The following ANO9 variants were observed in gnomAD, a reference collection of about 807,000 sequenced individuals.
ANO9 encodes anoctamin 9.
In ANO9, 80 loss-of-function variants were observed where a neutral mutation model predicts 100.5. The ratio of observed to expected loss-of-function variants is 0.80; its 90% CI spans 0.66 to 0.96. ANO9 has a LOEUF of 0.96. Among genes scored for constraint, ANO9 ranks in the 40% least tolerant of loss-of-function variants. ANO9 has a pLI of 0.00. For missense variants in ANO9, 1,064 were observed against 1,072.7 expected (o/e 0.99, Z 0.11); for synonymous variants, 473 against 435.6 (o/e 1.09, Z -1.07).
At chr11:419,986 G>A in intron 19 of ANO9, 1 of 1,389,206 alleles carries the variant, frequency 7.2e-7, no homozygotes, top group Non-Finnish European at 9.3e-7. Context: ...CTTCTCAGCT[G>A]TGCCCCCCAG....
chr11:432,876 G>A lies in ANO9; in HGVS notation c.350+438C>T, dbSNP rs75090814. The A allele has an allele frequency of 5.3e-3, 888 of 166,308 alleles. 10 individuals carry two copies. The highest frequency in any genetic ancestry group is 0.02 in the African/African-American group (849 of 41,874). The allele number at this position is 166,308 out of a possible 1,614,324, so 10.3% of individuals were successfully genotyped here. A position where few individuals can be genotyped will look rare whatever the true frequency, so the allele number is the denominator to read the frequency against. On this transcript the variant is annotated intron_variant, in intron 4 of 22. Transcript: ENST00000332826. This position sits in a 1 kb window ranked among gnomAD's most constrained non-coding sequence, Gnocchi z 4.8. Reference sequence around the variant, plus strand: ...GGACTGGGGAGAAGCAGGGCCTTAGGGAGCGAGGAGGGTGTCCCTGCTGGG... The same window carrying A: ...GGACTGGGGAGAAGCAGGGCCTTAGAGAGCGAGGAGGGTGTCCCTGCTGGG...
intron 1 of ANO9, 67 bp downstream of exon 1, chr11:441,853 CG>C: frequency 8.9e-6 from 14 of 1,567,222 alleles, no homozygotes; most frequent in South Asian, 2.3e-5. Context: ...GGGCTGGGGC[CG>C]GGGGCCCCAG....
In ANO9 at chr11:432,377, A is replaced by C; in HGVS notation, c.351-323T>G. 23 of 426,436 alleles carry C rather than the reference A, an allele frequency of 5.4e-5. No homozygotes were observed. Among genetic ancestry groups the C allele is most frequent in the East Asian group, 9.1e-5 (2 of 22,028 alleles). 26.4% of individuals were successfully genotyped at this position (426,436 alleles called of 1,614,324 possible). A position where few individuals can be genotyped will look rare whatever the true frequency, so the allele number is the denominator to read the frequency against. On this transcript the variant is annotated intron_variant, in intron 4 of 22. Transcript: ENST00000332826. The surrounding 1 kb of genome is among the most constrained non-coding windows in gnomAD (Gnocchi z 4.8). ...ACCACACCTCCCACCTGCGGGCCCCATGTGTCCAGAGCACACCCCAGCCTG... is the reference window on the plus strand; with the variant it reads ...ACCACACCTCCCACCTGCGGGCCCCCTGTGTCCAGAGCACACCCCAGCCTG...
intron 1 of ANO9, among the ~76,000 whole-genome samples, chr11:435,218 A>G (rs1291251910): frequency 6.6e-6 from 1 of 151,906 alleles, no homozygotes; most frequent in Non-Finnish European, 1.5e-5. Flanking sequence ...AGCATAGGGT[A>G]GCATAGGGTA....
chr11:418,427 T>A lies in ANO9; in HGVS notation c.2293A>T (p.Met765Leu). Residue 765 changes from methionine to leucine, a missense_variant, in exon 23 of 23, where the codon ATG (methionine) becomes TTG (leucine). Coordinates refer to ENST00000332826, the MANE Select transcript of ANO9 (RefSeq NM_001012302.3). The part of the protein sequence containing the change: ...GGVGAGSRPP[M>L]PAHPTPASIF... The stretch of plus-strand genomic sequence containing the variant: ...GATGCTGGGGTGGGATGGGCAGGCA[T>A]TGGGGGCCGAGAGCCTGCCCCCACC... The A allele has an allele frequency of 6.2e-7, 1 of 1,612,414 alleles. No individual in the cohort carries two copies.
chr11:430,306 G>A lies in ANO9; in HGVS notation c.637C>T (p.Leu213=). The A allele has an allele frequency of 6.2e-7, 1 of 1,604,028 alleles. No individual in the cohort carries two copies. The highest frequency in any genetic ancestry group is 8.5e-7 in the Non-Finnish European group (1 of 1,176,254). The change falls in exon 8 of 23, where the codon CTG becomes TTG. Residue 213 remains leucine, a synonymous_variant. Transcript: ENST00000332826. ...GCCTCAAACAGCGAGAATCCGCTCA[G>A]AAAGACTAAGAGGCCCGTCAGGGCG... The part of the protein sequence containing the change: ...PAALTGLLVF[L]SGFSLFEASQ...
At chr11:418,642 G>A in intron 22 of ANO9, 53 bp from the exon 23 acceptor site, 1 of 1,610,960 alleles carries the variant, frequency 6.2e-7, no homozygotes, top group Non-Finnish European at 8.5e-7. Context: ...CTGGCATTTG[G>A]GGGTTCAGGG....
At position 432,633 on chromosome 11, in the gene ANO9, C is replaced by T. The variant is rs59804796; in HGVS notation, c.351-579G>A. ...GCCCCCCAAGCCTGCTCCCGTCAGC[C>T]CCCTCAAGCCACCTCCCCTCCTTTG... is the stretch of plus-strand genomic sequence containing the variant. On this transcript the variant is annotated intron_variant, in intron 4 of 22. Transcript: ENST00000332826. The surrounding 1 kb of genome is among the most constrained non-coding windows in gnomAD (Gnocchi z 4.8). 0.014 allele frequency: 2,231 copies of T among 156,516 alleles called. 49 individuals are homozygous for T. The highest frequency in any genetic ancestry group is 0.046 in the African/African-American group (1,900 of 41,624). 9.7% of individuals were successfully genotyped at this position (156,516 alleles called of 1,614,324 possible). A position where few individuals can be genotyped will look rare whatever the true frequency, so the allele number is the denominator to read the frequency against.
chr11:428,510 G>C lies in ANO9; in HGVS notation c.1150C>G (p.Leu384Val). 1.9e-6 allele frequency: 3 copies of C among 1,612,664 alleles called. No individual in the cohort carries two copies. The highest frequency in any genetic ancestry group is 2.5e-6 in the Non-Finnish European group (3 of 1,179,890). The change falls in exon 13 of 23, where the codon CTG becomes GTG. Residue 384 changes from leucine to valine, a missense_variant. Leu to Val is a conservative substitution (Grantham distance 32). Transcript: ENST00000332826. ...ATGATGATGGTCACATAGTGCACCA[G>C]AGCCCCGGTCACCACCACGGCCGTG... Reference protein sequence around the residue: ...VTTAVVVTGALVHYVTIIIMT... With the variant: ...VTTAVVVTGAVVHYVTIIIMT...
rs917267433 is a variant in ANO9, at chr11:420,224, C to A, written c.1786+239G>T. 2.1e-6 allele frequency: 3 copies of A among 1,416,476 alleles called. No individual in the cohort carries two copies. In the African/African-American group the frequency reaches 4.3e-5, roughly 20 times the overall value. 87.7% of individuals were successfully genotyped at this position (1,416,476 alleles called of 1,614,324 possible). On this transcript the variant is annotated intron_variant, in intron 19 of 22. Transcript: ENST00000332826. ...CTGGGTCCCCCTTGGGGGCGTCAAG[C>A]CCCTCTGAGATCCTGACGGTTTGTG...
In ANO9 at chr11:418,539, G is replaced by T. The variant is rs775573831; in HGVS notation, c.2181C>A (p.Ile727=). The change falls in exon 23 of 23, where the codon ATC becomes ATA. Residue 727 remains isoleucine, a synonymous_variant. Coordinates refer to ENST00000332826, the MANE Select transcript of ANO9 (RefSeq NM_001012302.3). ...KLIAAWFVPD[I]PQSVKNKVLE... Reference sequence around the variant, plus strand: ...GAACCTTGTTCTTCACCGACTGAGGGATGTCGGGCACGAACCAGGCGGCGA... The same window carrying T: ...GAACCTTGTTCTTCACCGACTGAGGTATGTCGGGCACGAACCAGGCGGCGA... 1.2e-6 allele frequency: 2 copies of T among 1,613,136 alleles called. No homozygotes were observed. Among genetic ancestry groups the T allele is most frequent in the Admixed American group, 3.3e-5 (2 of 60,032 alleles).
At position 436,359 on chromosome 11, in the gene ANO9, G is replaced by A. The variant is rs569820386; in HGVS notation, c.7-2261C>T. Among the ~76,000 whole-genome samples the A allele has an allele frequency of 2.0e-4, 31 of 152,100 alleles. No individual in the cohort carries two copies. In the South Asian group the frequency reaches 2.3e-3, roughly 11 times the overall value. ...TGGGATTACAGGTGTGAGCCACCAC[G>A]CCCGGCCCTGTTTCTTATTTTGTTT... is the stretch of plus-strand genomic sequence containing the variant. On this transcript the variant is annotated intron_variant, in intron 1 of 22. Coordinates refer to ENST00000332826, the MANE Select transcript of ANO9 (RefSeq NM_001012302.3).
intron 1 of ANO9, among the ~76,000 whole-genome samples, chr11:439,674 C>T (rs1294365915): frequency 6.7e-6 from 1 of 148,470 alleles, no homozygotes; most frequent in Non-Finnish European, 1.5e-5. Flanking sequence ...ACAGTTTCGT[C>T]ATCCACAGAG....
At chr11:419,204 T>C (rs917254911) in intron 20 of ANO9, 67 of 1,429,822 alleles carry the variant, frequency 4.7e-5, no homozygotes, top group Non-Finnish European at 5.8e-5. Context: ...CCAGCCACTT[T>C]CCCTGCCAGA....
rs1848149684 is a variant in ANO9, at chr11:421,024, T to G, written c.1411A>C (p.Met471Leu). 2 of 1,603,896 alleles carry G rather than the reference T, an allele frequency of 1.2e-6. No homozygotes were observed. The highest frequency in any genetic ancestry group is 4.5e-5 in the East Asian group (2 of 44,566). The change falls in exon 17 of 23, where the codon ATG becomes CTG. Residue 471 changes from methionine to leucine, a missense_variant. Physicochemically the swap from Met to Leu is conservative, Grantham distance 15. Coordinates refer to ENST00000332826, the MANE Select transcript of ANO9 (RefSeq NM_001012302.3). This position sits in a 1 kb window ranked among gnomAD's most constrained non-coding sequence, Gnocchi z 6.8. Reference protein sequence around the residue: ...KLEECHASGCMMDLFVQMAII... With the variant: ...KLEECHASGCLMDLFVQMAII... ...GCCATCTGCACGAAGAGGTCCATCA[T>G]GCAGCCGCTGGCGTGGCACTGCGGG...
In ANO9 at chr11:422,740, G is replaced by C. The variant is rs865916701; in HGVS notation, c.1335-1542C>G. Among the ~76,000 whole-genome samples, 29 of 152,132 alleles carry C rather than the reference G, an allele frequency of 1.9e-4. No homozygotes were observed. Among genetic ancestry groups the C allele is most frequent in the Non-Finnish European group, 2.8e-4 (19 of 68,028 alleles). The stretch of plus-strand genomic sequence containing the variant: ...CTGGGAGGTAATAATTTGATTGTTT[G>C]AAGCCACTAAGCTGTGGTCGTTTGT... On this transcript the variant is annotated intron_variant, in intron 15 of 22. Transcript: ENST00000332826. This position sits in a 1 kb window ranked among gnomAD's most constrained non-coding sequence, Gnocchi z 4.3.
At chr11:423,682 T>C (rs1232169682) in intron 15 of ANO9, among the ~76,000 whole-genome samples, 3 of 151,570 alleles carry the variant, frequency 2.0e-5, no homozygotes, top group African/African-American at 7.3e-5. Context: ...TAATTTTCTA[T>C]TTTTTGTAGA....
intron 11 of ANO9, among the ~76,000 whole-genome samples, chr11:429,310 C>T (rs374929618): frequency 2.3e-3 from 327 of 143,876 alleles, no homozygotes; most frequent in African/African-American, 8.3e-3. Flanking sequence ...ACATGGGACA[C>T]GCACCCCACA....
At chr11:419,801 G>T in intron 19 of ANO9, 72 bp from the exon 20 acceptor site, 1 of 1,569,620 alleles carries the variant, frequency 6.4e-7, no homozygotes, top group Non-Finnish European at 8.6e-7. Context: ...CCCCACCCCC[G>T]GCCAACACGG....
Sources: gnomAD v4.1 joint callset for allele counts (sites outside exome capture counted in the v4.1 genomes callset) on GRCh38, gnomAD v4.1.1 for gene constraint, Gnocchi (gnomAD v3.1) non-coding constraint, MANE v1.5 for transcripts, NCBI Gene and HGNC (gene_info 2026-07-23, HGNC 2026-07-21) for gene names.